Variants in CCDC3 observed in about 807,000 individuals in gnomAD.
CCDC3 encodes coiled-coil domain-containing protein 3.
CCDC3 carries 24 observed loss-of-function variants against 21.4 expected under a neutral mutation model. That is an observed-to-expected ratio of 1.12 (90% CI 0.81 to 1.58). The LOEUF is 1.58. CCDC3 is among the 40% of genes most tolerant of loss of function. CCDC3 has a pLI of 0.00. For synonymous variants in CCDC3, 186 were observed against 166.0 expected (o/e 1.12, Z -0.93); for missense variants, 425 against 360.9 (o/e 1.18, Z -1.44).
intron 5 of CCDC3, among the ~76,000 whole-genome samples, chr10:13,016,607 C>G (rs1230530389): frequency 6.6e-6 from 1 of 151,796 alleles, no homozygotes; most frequent in Non-Finnish European, 1.5e-5. Context: ...GAATCCCTTC[C>G]CCCGGGGTCA....
chr10:12,906,128 CCTG>C (rs2131198497), intron 2 of CCDC3, among the ~76,000 whole-genome samples: 1 of 152,300 alleles, frequency 6.6e-6, no homozygotes, highest in East Asian at 1.9e-4. Context: ...AGAACGGTTT[CCTG>C]AATGACTCGA....
intron 5 of CCDC3, among the ~76,000 whole-genome samples, chr10:13,022,282 C>T (rs906388196): frequency 6.6e-6 from 1 of 152,104 alleles, no homozygotes; most frequent in African/African-American, 2.4e-5. Context: ...CCTATAAGGG[C>T]ATGCTCAAGC....
intron 2 of CCDC3, among the ~76,000 whole-genome samples, chr10:12,979,720 G>A (rs1206307865): frequency 6.6e-6 from 1 of 152,108 alleles, no homozygotes; most frequent in Non-Finnish European, 1.5e-5. Flanking sequence ...ATGCTCTGGT[G>A]ACTTGTGTTT....
chr10:12,902,828 T>TA (rs1834114461), intron 2 of CCDC3, among the ~76,000 whole-genome samples: 2 of 39,418 alleles, frequency 5.1e-5, no homozygotes, highest in Non-Finnish European at 8.7e-5. Flanking sequence ...CAGCAAGACT[T>TA]AGAGCCCAGA....
intron 5 of CCDC3, among the ~76,000 whole-genome samples, chr10:13,035,414 A>T (rs1160308447): frequency 6.6e-6 from 1 of 152,200 alleles, no homozygotes; most frequent in South Asian, 2.1e-4. Context: ...GCTGGTAAAG[A>T]AGATAAGTCT....
intron 2 of CCDC3, among the ~76,000 whole-genome samples, chr10:12,985,278 G>A (rs983512743): frequency 5.3e-5 from 8 of 152,148 alleles, no homozygotes; most frequent in South Asian, 2.1e-4. Context: ...TAATTACACC[G>A]AATGCTGGCA....
chr10:12,966,702 C>T (rs1293564099), intron 2 of CCDC3, among the ~76,000 whole-genome samples: 2 of 152,186 alleles, frequency 1.3e-5, no homozygotes, highest in African/African-American at 4.8e-5. Flanking sequence ...AGATACAAGC[C>T]ACACTGTATC....
chr10:12,929,261 CAAAAAAA>C (rs10609537), intron 2 of CCDC3, among the ~76,000 whole-genome samples: 5 of 104,580 alleles, frequency 4.8e-5, no homozygotes, highest in Non-Finnish European at 7.7e-5. Flanking sequence ...GATTCCATCT[CAAAAAAA>C]AAAAAAAAAA....
chr10:12,922,316 C>T (rs1834464987), intron 2 of CCDC3, among the ~76,000 whole-genome samples: 2 of 151,940 alleles, frequency 1.3e-5, no homozygotes, highest in Non-Finnish European at 2.9e-5. Flanking sequence ...GGTGGGAGCT[C>T]CCATCTGTGC....
chr10:12,967,336 A>G (rs905408959), intron 2 of CCDC3, among the ~76,000 whole-genome samples: 4 of 152,240 alleles, frequency 2.6e-5, no homozygotes, highest in Non-Finnish European at 5.9e-5. Flanking sequence ...GTAACTAACC[A>G]CAAAGAAATT....
intron 5 of CCDC3, among the ~76,000 whole-genome samples, chr10:13,014,346 A>T (rs1435147174): frequency 6.6e-6 from 1 of 150,758 alleles, no homozygotes; most frequent in East Asian, 2.0e-4. Flanking sequence ...GCTACTTGGG[A>T]GGCTGAGGCA....
intron 2 of CCDC3, among the ~76,000 whole-genome samples, chr10:12,967,141 G>C (rs1234998830): frequency 6.6e-6 from 1 of 152,120 alleles, no homozygotes; most frequent in Admixed American, 6.5e-5. Flanking sequence ...CTTTTTAAAG[G>C]CTGGTTCCAT....
At chr10:12,984,216 G>T (rs1161016672) in intron 2 of CCDC3, among the ~76,000 whole-genome samples, 1 of 152,142 alleles carries the variant, frequency 6.6e-6, no homozygotes, top group Non-Finnish European at 1.5e-5. Flanking sequence ...ACAATAAAAA[G>T]ACAACCTAGT....
Position 13,063,128 on chromosome 10 carries a change from C to G in CCDC3, c.-270+10740G>C, listed in dbSNP as rs1588411740. On this transcript the variant is annotated intron_variant, in intron 4 of 6. Transcript: ENST00000378839. ...CCACCCACCAAGTTATTTTTAAAAA[C>G]TTTGCTCCCCGAATGTTCGGGGAGA... 1.4e-4 allele frequency among the ~76,000 whole-genome samples: 12 copies of G among 83,706 alleles called. 1 individual carries two copies. The South Asian group carries it at 4.7e-3, about 33-fold the overall frequency. The allele number at this position is 83,706 out of a possible 152,430, so 54.9% of individuals were successfully genotyped here. A position where few individuals can be genotyped will look rare whatever the true frequency, so the allele number is the denominator to read the frequency against.
chr10:13,002,945 C>T (rs1221674701), upstream of CCDC3, among the ~76,000 whole-genome samples: 1 of 152,214 alleles, frequency 6.6e-6, no homozygotes, highest in Non-Finnish European at 1.5e-5. Context: ...CCTCTTCTAA[C>T]AAGGTCACTA....
At chr10:13,058,240 C>G in intron 4 of CCDC3, 1 of 1,349,990 alleles carries the variant, frequency 7.4e-7, no homozygotes, top group Non-Finnish European at 1.0e-6. Flanking sequence ...GGCCTGCATC[C>G]AAATAGCAGG....
chr10:12,939,984 C>T (rs1834795678), intron 2 of CCDC3, among the ~76,000 whole-genome samples: 1 of 152,166 alleles, frequency 6.6e-6, no homozygotes, highest in Admixed American at 6.5e-5. Flanking sequence ...TAGCATTGAC[C>T]TGGTCAAGAT....
chr10:13,052,484 C>T (rs1836620183), intron 4 of CCDC3, among the ~76,000 whole-genome samples: 1 of 152,178 alleles, frequency 6.6e-6, no homozygotes. Context: ...TCAGTTATAA[C>T]TTATTCATAT....
chr10:13,063,318 G>A (rs1413568983), intron 4 of CCDC3, among the ~76,000 whole-genome samples: 1 of 152,038 alleles, frequency 6.6e-6, no homozygotes, highest in Non-Finnish European at 1.5e-5. Context: ...TCTAGGCATG[G>A]TGTCCTGCTA....
Sources: gnomAD v4.1 joint callset for allele counts (sites outside exome capture counted in the v4.1 genomes callset) on GRCh38, gnomAD v4.1.1 for gene constraint, MANE v1.5 for transcripts, NCBI Gene and HGNC (gene_info 2026-07-23, HGNC 2026-07-21) for gene names.